RBFOX1: variants seen among roughly 807,000 people sequenced by gnomAD.
RBFOX1 encodes the protein RNA binding fox-1 homolog 1.
A neutral mutation model predicts 57.7 loss-of-function variants in RBFOX1; 8 were observed. That is an observed-to-expected ratio of 0.14 (90% CI 0.08 to 0.25). The LOEUF is 0.25. RBFOX1 is among the 10% of genes least tolerant of loss of function. The pLI is 1.00. For missense variants in RBFOX1, 611 were observed against 548.5 expected (o/e 1.11, Z -1.14); for synonymous variants, 326 against 222.4 (o/e 1.47, Z -4.15).
chr16:7,222,483 G>C (rs1420669483), intron 4 of RBFOX1, among the ~76,000 whole-genome samples: 1 of 152,154 alleles, frequency 6.6e-6, no homozygotes, highest in Non-Finnish European at 1.5e-5. Flanking sequence ...AGTTGGCAAT[G>C]CAAGGAAGTG....
intron 3 of RBFOX1, among the ~76,000 whole-genome samples, chr16:6,829,986 A>C (rs1294578450): frequency 6.6e-6 from 1 of 151,894 alleles, no homozygotes; most frequent in Non-Finnish European, 1.5e-5. Context: ...GTGCAGTCTC[A>C]GCTCTCTGCC....
rs186861989 is a variant in RBFOX1 at position 6,601,421 on chromosome 16, G to A, written c.-63-53182G>A. On this transcript the variant is annotated intron_variant, in intron 2 of 15. Coordinates refer to ENST00000550418, the MANE Select transcript of RBFOX1 (RefSeq NM_018723.4). Reference sequence around the variant, plus strand: ...TGTTGGTATTGTGGCCAGACTCCGGGAGAGTCCTAAAATCGGTGTTTGTCA... The same window carrying A: ...TGTTGGTATTGTGGCCAGACTCCGGAAGAGTCCTAAAATCGGTGTTTGTCA... 6.8e-4 allele frequency among the ~76,000 whole-genome samples: 103 copies of A among 152,236 alleles called. 1 individual carries two copies. The highest frequency in any genetic ancestry group is 2.5e-3 in the African/African-American group (102 of 41,540).
At position 5,686,029 on chromosome 16, in the gene RBFOX1, C is replaced by G. The variant is rs564841408; in HGVS notation, c.318+87068C>G. Among the ~76,000 whole-genome samples, 4 of 152,278 alleles carry G rather than the reference C, an allele frequency of 2.6e-5. No individual in the cohort carries two copies. The South Asian group carries it at 6.2e-4, about 24-fold the overall frequency. On this transcript the variant is annotated intron_variant, in intron 3 of 19. Coordinates refer to the RBFOX1 transcript ENST00000641259. ...AGTCAGAAGGAATACAAGTAGGTCT[C>G]TTTTTAATTTGATACTGCATGTGGG...
At chr16:5,903,030 GTTAGGCTC>G (rs2058345802) in intron 4 of RBFOX1, among the ~76,000 whole-genome samples, 1 of 152,034 alleles carries the variant, frequency 6.6e-6, no homozygotes, top group Non-Finnish European at 1.5e-5. Context: ...GCCTCCCATG[GTTAGGCTC>G]CTAGCCTTTT....
At chr16:7,626,842 A>G (rs141389376) in intron 10 of RBFOX1, among the ~76,000 whole-genome samples, 65 of 152,306 alleles carry the variant, frequency 4.3e-4, no homozygotes, top group African/African-American at 1.5e-3. Flanking sequence ...TTATAATTCA[A>G]TCATATGCAT....
chr16:6,896,848 T>G (rs1378511221), intron 3 of RBFOX1, among the ~76,000 whole-genome samples: 1 of 152,078 alleles, frequency 6.6e-6, no homozygotes, highest in Non-Finnish European at 1.5e-5. Flanking sequence ...GCAGGTAATA[T>G]AAAAATCAGT....
At chr16:6,445,879 C>T (rs1464871110) in intron 2 of RBFOX1, among the ~76,000 whole-genome samples, 3 of 152,142 alleles carry the variant, frequency 2.0e-5, no homozygotes, top group African/African-American at 7.2e-5. Context: ...CTGCGCCCGG[C>T]CATCTCTGAA....
At chr16:5,865,384 C>T (rs1380676402) in intron 3 of RBFOX1, among the ~76,000 whole-genome samples, 1 of 152,170 alleles carries the variant, frequency 6.6e-6, no homozygotes, top group Admixed American at 6.5e-5. Context: ...CAAACTCTGA[C>T]ATCCATCACA....
intron 3 of RBFOX1, among the ~76,000 whole-genome samples, chr16:5,787,069 G>C (rs1022883833): frequency 6.6e-6 from 1 of 152,214 alleles, no homozygotes; most frequent in Non-Finnish European, 1.5e-5. Context: ...AGGAGGTGGA[G>C]GTTGCAGTGT....
At chr16:6,591,279 C>A (rs1477608093) in intron 2 of RBFOX1, among the ~76,000 whole-genome samples, 2 of 152,086 alleles carry the variant, frequency 1.3e-5, no homozygotes, top group Non-Finnish European at 2.9e-5. Context: ...AACACCACCT[C>A]TACTAAAAAT....
chr16:5,988,838 TCAG>T (rs779185619), intron 4 of RBFOX1, among the ~76,000 whole-genome samples: 16 of 152,224 alleles, frequency 1.1e-4, no homozygotes, highest in South Asian at 6.2e-4. Context: ...TAACCAAGAC[TCAG>T]AGAGTATGAA....
At chr16:5,821,536 C>G (rs2055859285) in intron 3 of RBFOX1, among the ~76,000 whole-genome samples, 1 of 152,108 alleles carries the variant, frequency 6.6e-6, no homozygotes, top group African/African-American at 2.4e-5. Flanking sequence ...CTCCTGGGAT[C>G]AAGTGATCCT....
intron 3 of RBFOX1, among the ~76,000 whole-genome samples, chr16:6,702,772 C>G (rs1235154642): frequency 6.6e-6 from 1 of 152,180 alleles, no homozygotes; most frequent in African/African-American, 2.4e-5. Context: ...GTAAAATAGA[C>G]ATAACATAAA....
At chr16:6,301,845 C>T (rs1018383944) in intron 1 of RBFOX1, among the ~76,000 whole-genome samples, 6 of 152,076 alleles carry the variant, frequency 3.9e-5, no homozygotes, top group African/African-American at 7.2e-5. Flanking sequence ...GCAAGCATTT[C>T]GTGAAGCATC....
chr16:6,816,777 T>G (rs2090173991), intron 3 of RBFOX1, among the ~76,000 whole-genome samples: 1 of 151,650 alleles, frequency 6.6e-6, no homozygotes, highest in Non-Finnish European at 1.5e-5. Context: ...CAGGGTGTTG[T>G]TCTGTTACCC....
At chr16:5,751,045 G>A (rs2053180179) in intron 3 of RBFOX1, among the ~76,000 whole-genome samples, 1 of 152,184 alleles carries the variant, frequency 6.6e-6, no homozygotes, top group African/African-American at 2.4e-5. Context: ...GTTTCACCAT[G>A]TTGACTGGGC....
intron 3 of RBFOX1, among the ~76,000 whole-genome samples, chr16:6,672,445 A>G (rs892294137): frequency 2.0e-5 from 3 of 151,516 alleles, no homozygotes; most frequent in African/African-American, 4.9e-5. Context: ...AAAGAAAGAG[A>G]AAAGAAAGGA....
rs1000719736 is a variant in RBFOX1 at position 7,636,911 on chromosome 16, G to C, written c.757+6228G>C. Among the ~76,000 whole-genome samples, 6 of 152,200 alleles carry C rather than the reference G, an allele frequency of 3.9e-5. No individual in the cohort carries two copies. The East Asian group carries it at 9.7e-4, about 25-fold the overall frequency. ...CATATAAGGGCATGAATCTTATGAA[G>C]GGCCCACCCTCAGGACCTCATCTAA... On this transcript the variant is annotated intron_variant, in intron 11 of 15. Transcript: ENST00000550418.
intron 3 of RBFOX1, among the ~76,000 whole-genome samples, chr16:6,943,177 G>T (rs1031052969): frequency 1.3e-5 from 2 of 152,178 alleles, no homozygotes; most frequent in African/African-American, 4.8e-5. Flanking sequence ...ACTCTCCACA[G>T]ACCTGAGCTT....
Sources: gnomAD v4.1 joint callset for allele counts (sites outside exome capture counted in the v4.1 genomes callset) on GRCh38, gnomAD v4.1.1 for gene constraint, MANE v1.5 for transcripts, NCBI Gene and HGNC (gene_info 2026-07-23, HGNC 2026-07-21) for gene names.